The following MYO18B variants were observed in gnomAD, a reference collection of about 807,000 sequenced individuals.
The protein encoded by MYO18B is unconventional myosin-XVIIIb.
Under a neutral mutation model 273.0 loss-of-function variants are expected in MYO18B, and 204 were observed. The ratio of observed to expected loss-of-function variants is 0.75; its 90% confidence interval spans 0.67 to 0.84. The LOEUF (loss-of-function observed/expected upper bound fraction) is 0.84, where lower values mean the gene tolerates loss of function less well. MYO18B is among the 40% of genes least tolerant of loss of function. MYO18B has a pLI of 0.00. For missense variants in MYO18B, 3,212 were observed against 3,287.6 expected (o/e 0.98, Z 0.56); for synonymous variants, 1,330 against 1,305.7 (o/e 1.02, Z -0.40).
intron 40 of MYO18B, among the ~76,000 whole-genome samples, chr22:25,998,003 T>C (rs1286743229): frequency 8.8e-6 from 1 of 113,088 alleles, no homozygotes; most frequent in Non-Finnish European, 1.9e-5. Flanking sequence ...GAGAGAGAGA[T>C]GCTTCAGCTG....
At chr22:25,783,115 C>T (rs1479453840) in intron 10 of MYO18B, among the ~76,000 whole-genome samples, 4 of 152,178 alleles carry the variant, frequency 2.6e-5, no homozygotes, top group Admixed American at 6.5e-5. Context: ...CCGGACATAG[C>T]AAATGCTTTG....
At chr22:25,986,353 ATTC>A (rs1474475942) in intron 39 of MYO18B, among the ~76,000 whole-genome samples, 7 of 152,234 alleles carry the variant, frequency 4.6e-5, no homozygotes, top group Non-Finnish European at 1.0e-4. Flanking sequence ...GATAATTCTT[ATTC>A]TTTACAGAAA....
At chr22:25,965,854 C>G (rs575205148) in intron 39 of MYO18B, among the ~76,000 whole-genome samples, 1 of 152,324 alleles carries the variant, frequency 6.6e-6, no homozygotes, top group East Asian at 1.9e-4. Context: ...ATATGAGCCA[C>G]TTCCTGCACT....
At chr22:26,053,187 C>T in the MYO18B span, among the ~76,000 whole-genome samples, 1 of 152,280 alleles carries the variant, frequency 6.6e-6, no homozygotes, top group Non-Finnish European at 1.5e-5. Context: ...TTGAATGTCA[C>T]GTTCCTCCAA....
Position 26,027,156 on chromosome 22 carries a change from G to C in MYO18B, c.7182G>C (p.Ala2394=). ...RRCLESSVDD[A]GCPDLGKEPL... ...GTCTGGAGTCCTCTGTGGACGATGCGGGCTGTCCAGACCTTGGAAAGGAGC... is the reference window on the plus strand; with the variant it reads ...GTCTGGAGTCCTCTGTGGACGATGCCGGCTGTCCAGACCTTGGAAAGGAGC... The change falls in exon 43 of 44, where the codon GCG becomes GCC. Residue 2394 remains alanine (A), a synonymous_variant. Coordinates refer to ENST00000335473, the MANE Select transcript of MYO18B (RefSeq NM_032608.7). This position sits in a 1 kb window ranked among gnomAD's most constrained non-coding sequence, Gnocchi z 4.1. 2.5e-6 allele frequency: 4 copies of C among 1,613,910 alleles called. No homozygotes were observed. The highest frequency in any genetic ancestry group is 3.4e-6 in the Non-Finnish European group (4 of 1,179,870).
rs542967506 is a variant in MYO18B at position 25,814,106 on chromosome 22, C to T, written c.2522-9399C>T. Among the ~76,000 whole-genome samples, 16 of 152,162 alleles carry T rather than the reference C, an allele frequency of 1.1e-4. 1 individual carries two copies. The South Asian group carries it at 3.3e-3, about 32-fold the overall frequency. ...CTGGAAGACGGAGCTCACTGGTAGT[C>T]CCACACCTTGGGAAGGTGGAGTGAG... On this transcript the variant is annotated intron_variant, in intron 12 of 43. Coordinates refer to ENST00000335473, the MANE Select transcript of MYO18B (RefSeq NM_032608.7).
intron 39 of MYO18B, among the ~76,000 whole-genome samples, chr22:25,990,553 C>A (rs571836896): frequency 6.6e-6 from 1 of 151,412 alleles, no homozygotes; most frequent in Non-Finnish European, 1.5e-5. Context: ...CAAGTGTGGT[C>A]GTGGGTGCCT....
chr22:25,744,558 C>A (rs6004749), intron 1 of MYO18B, among the ~76,000 whole-genome samples: 1 of 151,928 alleles, frequency 6.6e-6, no homozygotes, highest in Non-Finnish European at 1.5e-5. Flanking sequence ...GGTGAAACCC[C>A]GTCTCTACTA....
chr22:25,835,275 G>A, intron 16 of MYO18B, 21 bp from the exon 17 acceptor site: 1 of 1,610,610 alleles, frequency 6.2e-7, no homozygotes, highest in South Asian at 1.1e-5. Flanking sequence ...GCCCTTCAGT[G>A]AATCCTGGTT....
intron 2 of MYO18B, among the ~76,000 whole-genome samples, 165 bp downstream of exon 2, chr22:25,761,296 C>T (rs1293217879): frequency 6.6e-6 from 1 of 152,116 alleles, no homozygotes; most frequent in Non-Finnish European, 1.5e-5. Flanking sequence ...CTCGGTTAGC[C>T]TTGGCCTTTC....
intron 34 of MYO18B, among the ~76,000 whole-genome samples, chr22:25,937,736 C>A (rs1601622880): frequency 1.3e-5 from 2 of 152,180 alleles, no homozygotes; most frequent in South Asian, 2.1e-4. Flanking sequence ...CAGGCATGCA[C>A]CACCGCGCCT....
At chr22:26,006,235 G>A (rs1934405508) in intron 42 of MYO18B, among the ~76,000 whole-genome samples, 1 of 152,092 alleles carries the variant, frequency 6.6e-6, no homozygotes, top group South Asian at 2.1e-4. Context: ...AAGTTGTTTG[G>A]CACCTGTTTG....
chr22:25,803,669 A>G (rs1019742651), intron 12 of MYO18B, among the ~76,000 whole-genome samples: 1 of 152,146 alleles, frequency 6.6e-6, no homozygotes, highest in Non-Finnish European at 1.5e-5. Context: ...CACTTCCCGT[A>G]TCTAAGCCTC....
chr22:25,777,843 T>C, intron 8 of MYO18B, 62 bp downstream of exon 8: 1 of 1,445,160 alleles, frequency 6.9e-7, no homozygotes, highest in Non-Finnish European at 9.3e-7. Flanking sequence ...TGGAAGGGGA[T>C]GCTGAGCTGC....
At chr22:25,877,901 C>G in intron 24 of MYO18B, 58 bp from the exon 25 acceptor site, 1 of 1,437,722 alleles carries the variant, frequency 7.0e-7, no homozygotes, top group Non-Finnish European at 9.6e-7. Flanking sequence ...ACTCCTAACA[C>G]AGGTGGAACT....
the MYO18B span, among the ~76,000 whole-genome samples, chr22:26,056,189 T>C: frequency 6.6e-6 from 1 of 152,238 alleles, no homozygotes; most frequent in Non-Finnish European, 1.5e-5. Context: ...TCCTCAGCCG[T>C]AGCTGGTTGA....
At chr22:26,029,723 C>G (rs959774461) in intron 43 of MYO18B, among the ~76,000 whole-genome samples, 1 of 152,188 alleles carries the variant, frequency 6.6e-6, no homozygotes, top group Admixed American at 6.5e-5. Context: ...ACAAGACCCC[C>G]CAAAGCTCAG....
intron 40 of MYO18B, among the ~76,000 whole-genome samples, chr22:25,996,762 C>A (rs530281272): frequency 9.9e-5 from 15 of 152,166 alleles, no homozygotes; most frequent in African/African-American, 3.4e-4. Context: ...TGTGGGAAGG[C>A]CTGAAGAAAA....
intron 25 of MYO18B, among the ~76,000 whole-genome samples, chr22:25,890,021 G>T (rs1342389930): frequency 6.6e-6 from 1 of 151,974 alleles, no homozygotes; most frequent in Non-Finnish European, 1.5e-5. Context: ...TTTCTTTTTA[G>T]TTGTTGCAAC....
Sources: gnomAD v4.1 joint callset for allele counts (sites outside exome capture counted in the v4.1 genomes callset) on GRCh38, gnomAD v4.1.1 for gene constraint, Gnocchi (gnomAD v3.1) non-coding constraint, MANE v1.5 for transcripts, NCBI Gene and HGNC (gene_info 2026-07-23, HGNC 2026-07-21) for gene names.